The following GNA14 variants were observed in gnomAD, a reference collection of about 807,000 sequenced individuals.
GNA14 encodes the protein G protein subunit alpha 14.
In GNA14, 50 loss-of-function variants were observed where a neutral mutation model predicts 42.0. The observed-to-expected ratio is 1.19, with a 90% confidence interval of 0.95 to 1.51. GNA14 has a LOEUF of 1.51. Ranked by LOEUF, GNA14 falls within the 40% of genes most tolerant of loss-of-function variation. The pLI, the probability that GNA14 is intolerant of heterozygous loss-of-function variation, is 0.00. For missense variants in GNA14, 473 were observed against 446.2 expected (o/e 1.06, Z -0.54); for synonymous variants, 173 against 163.1 (o/e 1.06, Z -0.46).
rs1835399162 is a variant in GNA14, at chr9:77,423,237, C to G, written c.*742G>C. 6.6e-6 allele frequency: 1 copy of G among 151,952 alleles called. No individual in the cohort carries two copies. Among genetic ancestry groups the G allele is most frequent in the East Asian group, 1.9e-4 (1 of 5,188 alleles). The allele number at this position is 151,952 out of a possible 1,614,324, so 9.4% of individuals were successfully genotyped here. On this transcript the variant is annotated 3_prime_UTR_variant, in exon 7 of 7. Transcript: ENST00000341700. Reference sequence around the variant, plus strand: ...ATTTCATACATTTTTAAGATCTGGTCATATACATTGGGGGTAAAAATGTAC... The same window carrying G: ...ATTTCATACATTTTTAAGATCTGGTGATATACATTGGGGGTAAAAATGTAC...
chr9:77,639,125 G>A (rs1016631755), intron 1 of GNA14, among the ~76,000 whole-genome samples: 3 of 152,060 alleles, frequency 2.0e-5, no homozygotes, highest in African/African-American at 4.8e-5. Flanking sequence ...TCACATTTTT[G>A]TTGTAGATCT....
rs938978271 is a variant in GNA14 at position 77,487,040 on chromosome 9, T to C, written c.309+42029A>G. Among the ~76,000 whole-genome samples the C allele has an allele frequency of 4.1e-5, 6 of 148,000 alleles. No homozygotes were observed. The South Asian group carries it at 6.3e-4, about 16-fold the overall frequency. ...TGTTAAAAAAAAAAAAAAGGCAATA[T>C]ATATAAATTGCAATAAAGTGAAGCA... On this transcript the variant is annotated intron_variant, in intron 2 of 6. Coordinates refer to ENST00000341700, the MANE Select transcript of GNA14 (RefSeq NM_004297.4).
chr9:77,502,229 C>T (rs552410942), intron 2 of GNA14, among the ~76,000 whole-genome samples: 2 of 152,270 alleles, frequency 1.3e-5, no homozygotes, highest in East Asian at 3.9e-4. Context: ...ATCATGGCAG[C>T]TTTAAAATCT....
chr9:77,589,462 T>C (rs1380218863), intron 1 of GNA14, among the ~76,000 whole-genome samples: 1 of 152,184 alleles, frequency 6.6e-6, no homozygotes, highest in African/African-American at 2.4e-5. Context: ...GAGAACACTC[T>C]TTGTTTAATA....
intron 2 of GNA14, among the ~76,000 whole-genome samples, chr9:77,476,263 T>C (rs912059095): frequency 5.9e-5 from 9 of 152,174 alleles, no homozygotes; most frequent in African/African-American, 1.9e-4. Context: ...ACCAACAAGA[T>C]TGCCTCTCTT....
At chr9:77,488,514 G>A (rs931448602) in intron 2 of GNA14, among the ~76,000 whole-genome samples, 12 of 152,142 alleles carry the variant, frequency 7.9e-5, no homozygotes, top group African/African-American at 2.7e-4. Flanking sequence ...CAAAGCTGAT[G>A]TTAAATCAGA....
rs1036270519 is a variant in GNA14, at chr9:77,438,740, C to T, written c.310-4218G>A. 9.0e-4 allele frequency among the ~76,000 whole-genome samples: 137 copies of T among 152,268 alleles called. 1 individual carries two copies. The highest frequency in any genetic ancestry group is 3.1e-3 in the African/African-American group (130 of 41,554). ...CTCCCTCCATGTGTGTGCAAACACA[C>T]ACACACTTCAAACCCATGTGGGCCA... On this transcript the variant is annotated intron_variant, in intron 2 of 6. Transcript: ENST00000341700.
At chr9:77,502,413 G>A (rs1043807661) in intron 2 of GNA14, among the ~76,000 whole-genome samples, 8 of 152,296 alleles carry the variant, frequency 5.3e-5, no homozygotes, top group Non-Finnish European at 8.8e-5. Context: ...CTCTGACCCT[G>A]CTCTGGCAGG....
At chr9:77,536,792 G>T (rs1226807055) in intron 1 of GNA14, among the ~76,000 whole-genome samples, 2 of 152,174 alleles carry the variant, frequency 1.3e-5, no homozygotes, top group Non-Finnish European at 2.9e-5. Flanking sequence ...AACTTGATTT[G>T]TGAGAGTACC....
Position 77,602,195 on chromosome 9 carries a change from C to T in GNA14, c.124+45475G>A, listed in dbSNP as rs559320824. On this transcript the variant is annotated intron_variant, in intron 1 of 6. Coordinates refer to ENST00000341700, the MANE Select transcript of GNA14 (RefSeq NM_004297.4). ...TGTTTGATTGCTGACTGCCGTAAAG[C>T]TTGAATTATGCTCATAGCCTTTATA... 3.4e-4 allele frequency among the ~76,000 whole-genome samples: 52 copies of T among 152,286 alleles called. No individual in the cohort carries two copies. In the South Asian group the frequency reaches 0.01, roughly 30 times the overall value.
At chr9:77,493,607 C>T (rs1836823402) in intron 2 of GNA14, among the ~76,000 whole-genome samples, 1 of 152,160 alleles carries the variant, frequency 6.6e-6, no homozygotes, top group Non-Finnish European at 1.5e-5. Context: ...TTGATCTATC[C>T]ATATCAAATT....
chr9:77,635,348 A>G (rs1824167135), intron 1 of GNA14: 1 of 152,224 alleles, frequency 6.6e-6, no homozygotes, highest in Admixed American at 6.5e-5. Context: ...TGTATAAATG[A>G]CAGCATGCTA....
chr9:77,431,082 T>C (rs1835544929), intron 4 of GNA14, among the ~76,000 whole-genome samples: 1 of 146,786 alleles, frequency 6.8e-6, no homozygotes, highest in African/African-American at 2.5e-5. Flanking sequence ...GTGTTACACA[T>C]AAGAATCATT....
intron 1 of GNA14, among the ~76,000 whole-genome samples, chr9:77,637,328 T>C (rs1397052803): frequency 6.6e-6 from 1 of 152,116 alleles, no homozygotes; most frequent in Non-Finnish European, 1.5e-5. Flanking sequence ...CTCGTTATAA[T>C]AGACTCTTTA....
At position 77,634,460 on chromosome 9, in the gene GNA14, AAAGGAAGGAGGG is replaced by A. The variant is rs569627066; in HGVS notation, c.124+13198_124+13209del. 4.0e-3 allele frequency among the ~76,000 whole-genome samples: 598 copies of A among 149,228 alleles called. 3 individuals are homozygous for A. Among genetic ancestry groups the A allele is most frequent in the Non-Finnish European group, 6.5e-3 (437 of 67,396 alleles). On this transcript the variant is annotated intron_variant, in intron 1 of 6. Transcript: ENST00000341700. ...GGAAGGAAGGAAGCGAAAGGAAAGG[AAAGGAAGGAGGG>A]AAGGAAGGAAGGAAGGAAGGAAGGG...
At chr9:77,468,323 T>C (rs1016588628) in intron 2 of GNA14, among the ~76,000 whole-genome samples, 5 of 152,212 alleles carry the variant, frequency 3.3e-5, no homozygotes, top group Admixed American at 2.0e-4. Flanking sequence ...AATAGTTGTT[T>C]ATAATTTTTA....
intron 1 of GNA14, among the ~76,000 whole-genome samples, chr9:77,544,671 C>CAAAA (rs397959672): frequency 2.6e-4 from 15 of 58,512 alleles, no homozygotes; most frequent in Non-Finnish European, 3.9e-4. Context: ...CACTGCATCT[C>CAAAA]AAAAAAAAAA....
rs375490549 is a variant in GNA14, at chr9:77,431,355, C to T, written c.559G>A (p.Glu187Lys). ...ATGTTTTCCAAGTCAAATGGATACT[C>T]AATGATGCCGGTGGTGGGCACTCGG... Reference protein sequence around the residue: ...RVRVPTTGIIEYPFDLENIIF... With the variant: ...RVRVPTTGIIKYPFDLENIIF... The change falls in exon 4 of 7, where the codon GAG becomes AAG. Residue 187 changes from glutamate to lysine, a missense_variant. Coordinates refer to ENST00000341700, the MANE Select transcript of GNA14 (RefSeq NM_004297.4). 100 of 1,613,852 alleles carry T rather than the reference C, an allele frequency of 6.2e-5. 1 individual carries two copies. The highest frequency in any genetic ancestry group is 4.8e-4 in the South Asian group (44 of 91,040).
At position 77,423,398 on chromosome 9, in the gene GNA14, T is replaced by C. The variant is rs932997011; in HGVS notation, c.*581A>G. 6.6e-6 allele frequency: 1 copy of C among 152,072 alleles called. No individual in the cohort carries two copies. Among genetic ancestry groups the C allele is most frequent in the Non-Finnish European group, 1.5e-5 (1 of 68,026 alleles). The allele number at this position is 152,072 out of a possible 1,614,324, so 9.4% of individuals were successfully genotyped here. On this transcript the variant is annotated 3_prime_UTR_variant, in exon 7 of 7. Transcript: ENST00000341700. ...AAGCTAAATTAGATATACTTATATATCCATTAATTTGGCTTAGAAAGTTAA... is the reference window on the plus strand; with the variant it reads ...AAGCTAAATTAGATATACTTATATACCCATTAATTTGGCTTAGAAAGTTAA...
Sources: gnomAD v4.1 joint callset for allele counts (sites outside exome capture counted in the v4.1 genomes callset) on GRCh38, gnomAD v4.1.1 for gene constraint, MANE v1.5 for transcripts, NCBI Gene and HGNC (gene_info 2026-07-23, HGNC 2026-07-21) for gene names.